NOX4: variants seen among roughly 807,000 people sequenced by gnomAD.
NOX4 encodes the protein NADPH oxidase 4, also known as kidney oxidase-1.
A neutral mutation model predicts 87.6 loss-of-function variants in NOX4; 69 were observed. That is an observed-to-expected ratio of 0.79 (90% CI 0.65 to 0.96). The LOEUF is 0.96. Among genes scored for constraint, NOX4 ranks in the 40% least tolerant of loss-of-function variants. The probability of loss-of-function intolerance (pLI) is 0.00; values close to 1 mark genes in which losing one functional copy is unlikely to be tolerated. For synonymous variants in NOX4, 275 were observed against 238.2 expected, an observed-to-expected ratio of 1.15 and a Z score of -1.42; for missense variants, 680 against 681.5, an observed-to-expected ratio of 1.00 and a Z score of 0.02.
At chr11:89,352,448 C>T (rs747109058) in intron 13 of NOX4, among the ~76,000 whole-genome samples, 1 of 152,080 alleles carries the variant, frequency 6.6e-6, no homozygotes, top group African/African-American at 2.4e-5. Context: ...TTTCATAAGG[C>T]TATAGCTACC....
upstream of NOX4, among the ~76,000 whole-genome samples, chr11:89,493,339 C>G (rs1261218251): frequency 6.6e-6 from 1 of 151,470 alleles, no homozygotes; most frequent in Non-Finnish European, 1.5e-5. Context: ...GAGCCAAGAT[C>G]GCACCACTGC....
the NOX4 span, among the ~76,000 whole-genome samples, chr11:89,584,876 A>C: frequency 6.6e-6 from 1 of 152,140 alleles, no homozygotes; most frequent in Non-Finnish European, 1.5e-5. Context: ...CTGTGAAATG[A>C]AATGATAGAT....
upstream of NOX4, among the ~76,000 whole-genome samples, chr11:89,491,791 A>G (rs185567055): frequency 4.6e-4 from 69 of 151,042 alleles, no homozygotes; most frequent in African/African-American, 1.6e-3. Context: ...TTTTAGACTG[A>G]TTGTTTTCCC....
chr11:89,326,236 C>T lies in NOX4; in HGVS notation c.*520G>A, dbSNP rs1945216290. On this transcript the variant is annotated 3_prime_UTR_variant, in exon 18 of 18. Coordinates refer to ENST00000263317, the MANE Select transcript of NOX4 (RefSeq NM_016931.5). ...GACGATTAGATATTGACACAAAGTA[C>T]CCGTATCAATACAGAGTCTTGTGCT... 6.6e-6 allele frequency: 1 copy of T among 152,020 alleles called. No homozygotes were observed. The highest frequency in any genetic ancestry group is 1.5e-5 in the Non-Finnish European group (1 of 68,002). 9.4% of individuals were successfully genotyped at this position (152,020 alleles called of 1,614,324 possible). A position where few individuals can be genotyped will look rare whatever the true frequency, so the allele number is the denominator to read the frequency against.
chr11:89,409,867 A>G lies in NOX4; in HGVS notation c.630-7325T>C, dbSNP rs149842181. Among the ~76,000 whole-genome samples, 9 of 152,210 alleles carry G rather than the reference A, an allele frequency of 5.9e-5. No homozygotes were observed. The East Asian group carries it at 1.7e-3, about 29-fold the overall frequency. ...CTAAGAGAGATCTAATTATTCAATA[A>G]TATTTTTCACCCCATATATTTAAGT... On this transcript the variant is annotated intron_variant, in intron 8 of 17. Coordinates refer to ENST00000263317, the MANE Select transcript of NOX4 (RefSeq NM_016931.5).
chr11:89,369,764 G>A (rs510593), intron 12 of NOX4, among the ~76,000 whole-genome samples: 78,775 of 150,526 alleles, frequency 0.52, 23,244 homozygotes, highest in African/African-American at 0.81. Context: ...TTGTTTGTTT[G>A]TTTATTTATT....
At chr11:89,359,868 G>T (rs1938382570) in intron 12 of NOX4, among the ~76,000 whole-genome samples, 2 of 152,018 alleles carry the variant, frequency 1.3e-5, no homozygotes, top group Admixed American at 6.6e-5. Flanking sequence ...TAAACAAAAG[G>T]TACTTGAACA....
At position 89,342,110 on chromosome 11, in the gene NOX4, C is replaced by T. The variant is rs1347506299; in HGVS notation, c.1301G>A (p.Gly434Glu). 2 of 1,613,264 alleles carry T rather than the reference C, an allele frequency of 1.2e-6. No homozygotes were observed. Among genetic ancestry groups the T allele is most frequent in the Non-Finnish European group, 1.7e-6 (2 of 1,179,336 alleles). Residue 434 changes from glycine to glutamate, a missense_variant, in exon 14 of 18, where the codon GGA becomes GAA. Coordinates refer to ENST00000263317, the MANE Select transcript of NOX4 (RefSeq NM_016931.5). ...EVSLCVAGGI[G>E]VTPFASILNT... is the part of the protein sequence containing the mutation. ...GAGTATTGATGCAAATGGAGTTACTCCAATGCCTCCAGCCACGCAGAGGCT... is the reference window on the plus strand; with the variant it reads ...GAGTATTGATGCAAATGGAGTTACTTCAATGCCTCCAGCCACGCAGAGGCT...
chr11:89,396,256 C>G (rs1379601895), intron 11 of NOX4, among the ~76,000 whole-genome samples: 1 of 152,052 alleles, frequency 6.6e-6, no homozygotes, highest in African/African-American at 2.4e-5. Context: ...ATTTTATTCT[C>G]TTTGAAGCAA....
chr11:89,458,502 AACT>A (rs1362737394), intron 2 of NOX4, among the ~76,000 whole-genome samples: 2 of 152,182 alleles, frequency 1.3e-5, no homozygotes, highest in Non-Finnish European at 2.9e-5. Flanking sequence ...CAACAAAAGA[AACT>A]ACAACAGACA....
the NOX4 span, among the ~76,000 whole-genome samples, chr11:89,512,447 CT>C: frequency 2.6e-5 from 4 of 151,996 alleles, no homozygotes; most frequent in African/African-American, 9.7e-5. Context: ...ACTCTAGACC[CT>C]GATAATTACC....
At chr11:89,374,014 T>G (rs2135063136) in intron 11 of NOX4, among the ~76,000 whole-genome samples, 1 of 151,702 alleles carries the variant, frequency 6.6e-6, no homozygotes, top group South Asian at 2.1e-4. Context: ...ACATCTGGAG[T>G]GGTGAGGGTA....
chr11:89,438,868 T>TATATA (rs1207827616), intron 6 of NOX4, among the ~76,000 whole-genome samples: 4 of 8,492 alleles, frequency 4.7e-4, no homozygotes, highest in African/African-American at 7.6e-4. Context: ...TTATATATTA[T>TATATA]ATATATAATA....
At chr11:89,354,184 G>A (rs1242889046) in intron 13 of NOX4, among the ~76,000 whole-genome samples, 1 of 152,096 alleles carries the variant, frequency 6.6e-6, no homozygotes, top group Non-Finnish European at 1.5e-5. Flanking sequence ...TTAAGTTGAT[G>A]GCCTTTCTTT....
intron 11 of NOX4, among the ~76,000 whole-genome samples, chr11:89,384,794 C>G (rs1479909928): frequency 2.6e-5 from 4 of 152,152 alleles, no homozygotes; most frequent in Admixed American, 6.5e-5. Context: ...CACCCTGTAG[C>G]CTTTCTGTCC....
At chr11:89,463,912 T>A (rs931515674) in intron 2 of NOX4, among the ~76,000 whole-genome samples, 3 of 152,036 alleles carry the variant, frequency 2.0e-5, no homozygotes, top group Non-Finnish European at 2.9e-5. Flanking sequence ...AGAAATAGAA[T>A]AATTATCTCT....
chr11:89,432,487 C>T (rs964985444), intron 7 of NOX4, among the ~76,000 whole-genome samples: 4 of 151,914 alleles, frequency 2.6e-5, no homozygotes, highest in Admixed American at 6.6e-5. Context: ...ATTTCAATCC[C>T]GTGTCCCATA....
chr11:89,570,903 G>T, the NOX4 span, among the ~76,000 whole-genome samples: 336 of 152,326 alleles, frequency 2.2e-3, no homozygotes, highest in Middle Eastern at 6.8e-3. Context: ...CACCCTATGG[G>T]AAGGAGAATT....
intron 7 of NOX4, among the ~76,000 whole-genome samples, chr11:89,424,282 T>G (rs1943252094): frequency 1.3e-5 from 2 of 151,680 alleles, no homozygotes; most frequent in Admixed American, 1.3e-4. Context: ...ATATTTGATT[T>G]ATATCCAATT....
Sources: allele counts gnomAD v4.1 joint callset (sites outside exome capture counted in the v4.1 genomes callset), GRCh38; gene constraint gnomAD v4.1.1; transcripts MANE v1.5; gene names NCBI Gene and HGNC (gene_info 2026-07-23, HGNC 2026-07-21).